The following ARHGAP29 variants were observed in gnomAD, a reference collection of about 807,000 sequenced individuals.
ARHGAP29 encodes rho GTPase-activating protein 29.
A neutral mutation model predicts 122.6 loss-of-function variants in ARHGAP29; 43 were observed. That is an observed-to-expected ratio of 0.35 (90% CI 0.27 to 0.45). ARHGAP29 has a LOEUF of 0.45. Ranked by LOEUF, ARHGAP29 falls within the 20% of genes least tolerant of loss-of-function variation. The pLI, the probability that ARHGAP29 is intolerant of heterozygous loss-of-function variation, is 1.00. For missense variants in ARHGAP29, 1,303 were observed against 1,477.2 expected (o/e 0.88, Z 1.93); for synonymous variants, 506 against 497.1 (o/e 1.02, Z -0.24).
chr1:94,175,285 G>T (rs762875993), intron 22 of ARHGAP29, among the ~76,000 whole-genome samples: 1 of 152,112 alleles, frequency 6.6e-6, no homozygotes, highest in Non-Finnish European at 1.5e-5. Context: ...TCAAATGAAG[G>T]CTGAATGCTT....
intron 2 of ARHGAP29, among the ~76,000 whole-genome samples, chr1:94,225,675 C>T (rs1375828364): frequency 2.6e-5 from 4 of 151,958 alleles, no homozygotes; most frequent in South Asian, 2.1e-4. Flanking sequence ...TTCTATATCT[C>T]TCAAGTTATA....
the ARHGAP29 span, among the ~76,000 whole-genome samples, chr1:94,312,355 G>GTTTTTTTTT: frequency 3.4e-5 from 3 of 88,792 alleles, no homozygotes; most frequent in Non-Finnish European, 6.9e-5. Flanking sequence ...ATTTTTATTT[G>GTTTTTTTTT]TTTTTTTTTT....
At chr1:94,211,232 A>AG (rs1299077386) in intron 3 of ARHGAP29, among the ~76,000 whole-genome samples, 1 of 139,760 alleles carries the variant, frequency 7.2e-6, no homozygotes, top group East Asian at 2.3e-4. Flanking sequence ...GGTTGCAGTA[A>AG]GCTGAAATCA....
chr1:94,248,760 T>G (rs1240756556), intron 1 of ARHGAP29, among the ~76,000 whole-genome samples: 3 of 152,232 alleles, frequency 2.0e-5, no homozygotes, highest in Non-Finnish European at 4.4e-5. Context: ...TGGAGTGCAG[T>G]GGCACAGTCA....
intron 1 of ARHGAP29, among the ~76,000 whole-genome samples, chr1:94,271,015 C>G (rs1629275): frequency 6.6e-6 from 1 of 152,092 alleles, no homozygotes; most frequent in Non-Finnish European, 1.5e-5. Flanking sequence ...AGCTCAGGGG[C>G]TTTCACAAGG....
chr1:94,242,031 A>G (rs1353193692), upstream of ARHGAP29, among the ~76,000 whole-genome samples: 1 of 152,130 alleles, frequency 6.6e-6, no homozygotes, highest in Non-Finnish European at 1.5e-5. Flanking sequence ...TCTGTAGGAC[A>G]GAGTACCAGA....
At chr1:94,309,287 C>A in the ARHGAP29 span, among the ~76,000 whole-genome samples, 1 of 152,190 alleles carries the variant, frequency 6.6e-6, no homozygotes, top group Non-Finnish European at 1.5e-5. Flanking sequence ...ATAACTTGAT[C>A]AGGATCACAA....
At chr1:94,235,696 T>C (rs1453149849) in intron 1 of ARHGAP29, among the ~76,000 whole-genome samples, 1 of 152,246 alleles carries the variant, frequency 6.6e-6, no homozygotes, top group African/African-American at 2.4e-5. Context: ...CTCTTTCAAC[T>C]TCAAACCAAC....
At chr1:94,215,851 A>G (rs1651929070) in intron 3 of ARHGAP29, among the ~76,000 whole-genome samples, 1 of 152,212 alleles carries the variant, frequency 6.6e-6, no homozygotes, top group South Asian at 2.1e-4. Context: ...GAGTTTCTAC[A>G]AATCAATACT....
chr1:94,217,769 C>A (rs991706521), intron 3 of ARHGAP29, among the ~76,000 whole-genome samples: 9 of 151,906 alleles, frequency 5.9e-5, no homozygotes, highest in Non-Finnish European at 2.9e-5. Context: ...GGATTGCTTG[C>A]GTTCCGGAGT....
chr1:94,188,710 T>C, intron 15 of ARHGAP29, 127 bp downstream of exon 15: 2 of 785,714 alleles, frequency 2.5e-6, no homozygotes, highest in Non-Finnish European at 4.0e-6. Context: ...AAACTATTTT[T>C]TAAATTGTAC....
intron 1 of ARHGAP29, among the ~76,000 whole-genome samples, chr1:94,261,277 G>A (rs765083482): frequency 6.6e-6 from 1 of 152,048 alleles, no homozygotes; most frequent in Non-Finnish European, 1.5e-5. Context: ...AGGCACATAG[G>A]TTATTATAAC....
the ARHGAP29 span, among the ~76,000 whole-genome samples, chr1:94,300,943 C>A: frequency 6.6e-6 from 1 of 152,176 alleles, no homozygotes; most frequent in Non-Finnish European, 1.5e-5. Flanking sequence ...CCCAATCAGA[C>A]CTTGGACACA....
chr1:94,222,031 T>C (rs998122316), intron 2 of ARHGAP29, among the ~76,000 whole-genome samples: 1 of 149,296 alleles, frequency 6.7e-6, no homozygotes, highest in African/African-American at 2.5e-5. Context: ...GAGGAGGGCA[T>C]GTCAAAGGTG....
At chr1:94,208,136 C>T (rs1651336320) in intron 5 of ARHGAP29, among the ~76,000 whole-genome samples, 2 of 152,172 alleles carry the variant, frequency 1.3e-5, no homozygotes, top group South Asian at 2.1e-4. Context: ...CCACACCTGG[C>T]TAATTTTTTG....
At chr1:94,194,865 T>C (rs920807525) in intron 12 of ARHGAP29, 1 of 152,238 alleles carries the variant, frequency 6.6e-6, no homozygotes. Context: ...GCTGCTTAAC[T>C]GGTTGACTCT....
intron 12 of ARHGAP29, among the ~76,000 whole-genome samples, chr1:94,197,736 G>A (rs141404321): frequency 6.6e-6 from 1 of 152,114 alleles, no homozygotes; most frequent in Non-Finnish European, 1.5e-5. Flanking sequence ...CATATTTACA[G>A]GCTAAAAACA....
intron 12 of ARHGAP29, chr1:94,191,589 G>C (rs1046903897): frequency 6.6e-6 from 1 of 152,154 alleles, no homozygotes; most frequent in African/African-American, 2.4e-5. Context: ...GCATTCTCCA[G>C]CTAAAGGTAA....
chr1:94,221,666 C>CATATGTAT (rs1029764643), intron 2 of ARHGAP29, among the ~76,000 whole-genome samples: 1 of 150,204 alleles, frequency 6.7e-6, no homozygotes, highest in Non-Finnish European at 1.5e-5. Context: ...TGTATGTGCA[C>CATATGTAT]ATATGTATAT....
Sources: gnomAD v4.1 joint callset for allele counts (sites outside exome capture counted in the v4.1 genomes callset) on GRCh38, gnomAD v4.1.1 for gene constraint, MANE v1.5 for transcripts, NCBI Gene and HGNC (gene_info 2026-07-23, HGNC 2026-07-21) for gene names.